LGR6: variants seen among roughly 807,000 people sequenced by gnomAD.
LGR6 encodes the protein leucine rich repeat containing G protein-coupled receptor 6.
Under a neutral mutation model 69.4 loss-of-function variants are expected in LGR6, and 45 were observed. The ratio of observed to expected loss-of-function variants is 0.65; its 90% CI spans 0.51 to 0.83. LGR6 has a LOEUF of 0.83. Ranked by LOEUF, LGR6 falls within the 40% of genes least tolerant of loss-of-function variation. The pLI is 0.00. For synonymous variants in LGR6, 538 were observed against 555.0 expected, an observed-to-expected ratio of 0.97 and a Z score of 0.43; for missense variants, 1,108 against 1,246.7, an observed-to-expected ratio of 0.89 and a Z score of 1.68.
intron 3 of LGR6, among the ~76,000 whole-genome samples, chr1:202,233,698 T>C (rs1238400885): frequency 6.6e-6 from 1 of 152,116 alleles, no homozygotes; most frequent in African/African-American, 2.4e-5. Flanking sequence ...ATCCAGTAAG[T>C]GGTAATACTG....
Position 202,318,807 on chromosome 1 carries a change from G to A in LGR6, c.2504G>A (p.Arg835Gln), listed in dbSNP as rs1322470874. ...LLYLLFNPHF[R>Q]DDLRRLRPRA... ...TACCTGCTCTTCAACCCCCACTTCC[G>A]GGATGACCTTCGGCGGCTTCGGCCC... The change falls in exon 18 of 18, where the codon CGG (arginine) becomes CAG (glutamine). Residue 835 changes from arginine (R) to glutamine (Q), a missense_variant. Coordinates refer to ENST00000367278, the MANE Select transcript of LGR6 (RefSeq NM_001017403.2). 1.1e-5 allele frequency: 17 copies of A among 1,613,356 alleles called. No homozygotes were observed. Among genetic ancestry groups the A allele is most frequent in the Middle Eastern group, 1.6e-4 (1 of 6,080 alleles).
At chr1:202,251,091 C>T (rs1663194853) in intron 4 of LGR6, among the ~76,000 whole-genome samples, 1 of 152,054 alleles carries the variant, frequency 6.6e-6, no homozygotes, top group Non-Finnish European at 1.5e-5. Flanking sequence ...AGGAAAGCTA[C>T]CCAAGGGGTT....
chr1:202,317,786 G>A (rs1654260408), intron 17 of LGR6, among the ~76,000 whole-genome samples, 166 bp from the exon 18 acceptor site: 2 of 152,188 alleles, frequency 1.3e-5, no homozygotes, highest in African/African-American at 4.8e-5. Context: ...GTTCTCTGGG[G>A]CCAGAAACAG....
chr1:202,284,694 C>T (rs767611751), intron 6 of LGR6, among the ~76,000 whole-genome samples: 3 of 152,090 alleles, frequency 2.0e-5, no homozygotes, highest in Non-Finnish European at 4.4e-5. Context: ...TCTAGCCTGA[C>T]AGCTAATGAT....
chr1:202,210,795 T>C (rs1659433758), intron 1 of LGR6: 1 of 152,218 alleles, frequency 6.6e-6, no homozygotes, highest in African/African-American at 2.4e-5. Flanking sequence ...AACAAAGGTA[T>C]GTGCCTGCCC....
At chr1:202,242,894 G>A (rs1662331452) in intron 4 of LGR6, among the ~76,000 whole-genome samples, 1 of 152,198 alleles carries the variant, frequency 6.6e-6, no homozygotes, top group Non-Finnish European at 1.5e-5. Context: ...CCAACACTTG[G>A]CTAGCACTTT....
intron 1 of LGR6, among the ~76,000 whole-genome samples, chr1:202,212,132 G>A (rs949742296): frequency 2.6e-5 from 4 of 152,156 alleles, no homozygotes; most frequent in South Asian, 2.1e-4. Context: ...GAGCAGTTTC[G>A]TACGGTTGTC....
intron 4 of LGR6, 135 bp downstream of exon 4, chr1:202,236,128 G>A (rs1395057802): frequency 2.0e-5 from 14 of 685,348 alleles, no homozygotes; most frequent in Non-Finnish European, 3.1e-5. Flanking sequence ...ACAGCATGCC[G>A]CTCCTGGCTT....
intron 4 of LGR6, among the ~76,000 whole-genome samples, chr1:202,240,138 T>C (rs1662054808): frequency 6.6e-6 from 1 of 152,048 alleles, no homozygotes; most frequent in South Asian, 2.1e-4. Context: ...TTTGGGAGGC[T>C]GAGGCAGGTG....
chr1:202,315,472 TTC>T (rs902401063), intron 17 of LGR6, among the ~76,000 whole-genome samples: 2 of 152,224 alleles, frequency 1.3e-5, no homozygotes, highest in South Asian at 2.1e-4. Flanking sequence ...AAAAAGAAAA[TTC>T]TCTTTCTCTT....
At chr1:202,312,268 G>A (rs1653802647) in intron 16 of LGR6, among the ~76,000 whole-genome samples, 1 of 152,256 alleles carries the variant, frequency 6.6e-6, no homozygotes, top group Non-Finnish European at 1.5e-5. Context: ...CACCTTGGCT[G>A]TGATTTTCCC....
intron 4 of LGR6, among the ~76,000 whole-genome samples, chr1:202,257,594 T>A (rs1663878731): frequency 6.6e-6 from 1 of 152,182 alleles, no homozygotes; most frequent in Non-Finnish European, 1.5e-5. Context: ...CCTATTGAAT[T>A]GTCTTAGCAC....
At chr1:202,224,801 G>A (rs1468976006) in intron 1 of LGR6, among the ~76,000 whole-genome samples, 7 of 152,160 alleles carry the variant, frequency 4.6e-5, no homozygotes, top group Admixed American at 3.3e-4. Context: ...TGCTGCCCCC[G>A]GGTTGGGGAC....
At chr1:202,292,290 T>C (rs967193606) in intron 6 of LGR6, among the ~76,000 whole-genome samples, 13 of 152,168 alleles carry the variant, frequency 8.5e-5, no homozygotes, top group Admixed American at 2.0e-4. Context: ...TAGCTAAGAG[T>C]GTGGGCTTCA....
intron 1 of LGR6, among the ~76,000 whole-genome samples, chr1:202,221,109 G>A (rs1323391147): frequency 1.3e-5 from 2 of 152,062 alleles, no homozygotes; most frequent in Admixed American, 6.5e-5. Flanking sequence ...CTCCAGCGGG[G>A]CAGGTGGGCA....
chr1:202,202,744 C>T (rs1658881773), intron 1 of LGR6, among the ~76,000 whole-genome samples: 1 of 152,172 alleles, frequency 6.6e-6, no homozygotes, highest in Admixed American at 6.5e-5. Context: ...CTTCATTTCA[C>T]CTATTTGACT....
At chr1:202,234,759 T>G (rs1195176124) in intron 3 of LGR6, among the ~76,000 whole-genome samples, 1 of 152,194 alleles carries the variant, frequency 6.6e-6, no homozygotes, top group Non-Finnish European at 1.5e-5. Flanking sequence ...TTCCTATTAT[T>G]AAACTAAAGG....
At chr1:202,266,244 T>C (rs1664642605) in intron 4 of LGR6, among the ~76,000 whole-genome samples, 1 of 152,140 alleles carries the variant, frequency 6.6e-6, no homozygotes, top group South Asian at 2.1e-4. Flanking sequence ...CACAACACCA[T>C]GTGCTTGTAA....
chr1:202,256,790 C>G (rs1437082044), intron 4 of LGR6, among the ~76,000 whole-genome samples: 1 of 152,208 alleles, frequency 6.6e-6, no homozygotes, highest in Non-Finnish European at 1.5e-5. Context: ...GAAACACTGT[C>G]AAACTCTTTT....
Sources: allele counts gnomAD v4.1 joint callset (sites outside exome capture counted in the v4.1 genomes callset), GRCh38; gene constraint gnomAD v4.1.1; transcripts MANE v1.5; gene names NCBI Gene and HGNC (gene_info 2026-07-23, HGNC 2026-07-21).